Variants in DNM3 observed in about 807,000 individuals in gnomAD.
The protein encoded by DNM3 is dynamin-3.
A neutral mutation model predicts 101.6 loss-of-function variants in DNM3; 47 were observed. The observed-to-expected ratio is 0.46, with a 90% confidence interval of 0.37 to 0.59. The LOEUF (loss-of-function observed/expected upper bound fraction) is 0.59. Among genes scored for constraint, DNM3 ranks in the 20% least tolerant of loss-of-function variants. The pLI, the probability that DNM3 is intolerant of heterozygous loss-of-function variation, is 0.00. For synonymous variants in DNM3, 385 were observed against 387.9 expected, an observed-to-expected ratio of 0.99 and a Z score of 0.09; for missense variants, 849 against 1,085.7, an observed-to-expected ratio of 0.78 and a Z score of 3.06.
At chr1:172,251,811 T>G (rs143757632) in intron 14 of DNM3, among the ~76,000 whole-genome samples, 5 of 152,224 alleles carry the variant, frequency 3.3e-5, no homozygotes, top group African/African-American at 1.2e-4. Flanking sequence ...TGCTTAAATT[T>G]AGGGCACTGA....
chr1:172,181,140 G>C (rs553030932), intron 14 of DNM3, among the ~76,000 whole-genome samples: 78 of 152,064 alleles, frequency 5.1e-4, no homozygotes, highest in African/African-American at 1.7e-3. Flanking sequence ...AGCATAAGAG[G>C]CTTTGCAAAA....
chr1:172,262,769 G>A (rs1048589357), intron 15 of DNM3, among the ~76,000 whole-genome samples: 3 of 152,136 alleles, frequency 2.0e-5, no homozygotes, highest in African/African-American at 7.2e-5. Context: ...ATTTGAACAG[G>A]CCATGATATA....
intron 1 of DNM3, among the ~76,000 whole-genome samples, chr1:171,905,222 C>T (rs2038720644): frequency 6.6e-6 from 1 of 152,138 alleles, no homozygotes; most frequent in South Asian, 2.1e-4. Context: ...CTTTAATACC[C>T]CTGTGGTCTT....
At chr1:172,005,628 A>G (rs1432213673) in intron 4 of DNM3, among the ~76,000 whole-genome samples, 1 of 152,074 alleles carries the variant, frequency 6.6e-6, no homozygotes, top group Admixed American at 6.6e-5. Context: ...TACCTACACA[A>G]TTGTGTGTGT....
intron 14 of DNM3, among the ~76,000 whole-genome samples, chr1:172,173,153 A>C (rs1194719924): frequency 6.6e-6 from 1 of 151,764 alleles, no homozygotes. Flanking sequence ...AAGTGACTGC[A>C]ATGTGTGAAA....
At chr1:172,079,471 G>A (rs1226934423) in intron 11 of DNM3, among the ~76,000 whole-genome samples, 1 of 151,840 alleles carries the variant, frequency 6.6e-6, no homozygotes, top group Non-Finnish European at 1.5e-5. Context: ...AGCTCCATCA[G>A]GTCATTTATA....
chr1:172,051,317 TC>T (rs1207122031), intron 10 of DNM3, among the ~76,000 whole-genome samples: 1 of 152,152 alleles, frequency 6.6e-6, no homozygotes, highest in Non-Finnish European at 1.5e-5. Context: ...ACCACCAAGT[TC>T]CAGGTCACTC....
chr1:172,259,411 T>C (rs2148707225), intron 15 of DNM3, among the ~76,000 whole-genome samples: 1 of 152,230 alleles, frequency 6.6e-6, no homozygotes, highest in Middle Eastern at 3.4e-3. Flanking sequence ...TTGCTTTATA[T>C]ATCTGGGTGC....
At chr1:172,277,969 G>A (rs1326624077) in intron 15 of DNM3, among the ~76,000 whole-genome samples, 4 of 152,020 alleles carry the variant, frequency 2.6e-5, no homozygotes, top group Non-Finnish European at 5.9e-5. Context: ...TAAAAAATTA[G>A]TCTGTTCCTA....
chr1:172,124,094 T>C (rs1175456383), intron 13 of DNM3, among the ~76,000 whole-genome samples: 4 of 152,230 alleles, frequency 2.6e-5, no homozygotes, highest in Non-Finnish European at 5.9e-5. Flanking sequence ...ATGCTGTTTC[T>C]ATAGCTTATC....
intron 16 of DNM3, among the ~76,000 whole-genome samples, chr1:172,316,916 C>A (rs1252617304): frequency 6.6e-6 from 1 of 152,168 alleles, no homozygotes; most frequent in Admixed American, 6.5e-5. Flanking sequence ...AACTCTCCAC[C>A]CCAAATCAAT....
intron 6 of DNM3, among the ~76,000 whole-genome samples, chr1:172,036,273 G>A (rs2048956838): frequency 6.7e-6 from 1 of 148,470 alleles, no homozygotes; most frequent in South Asian, 2.1e-4. Flanking sequence ...TTTTGTTCTT[G>A]CGATAGTTTA....
At chr1:172,341,349 C>A (rs180749044) in intron 17 of DNM3, among the ~76,000 whole-genome samples, 2 of 152,124 alleles carry the variant, frequency 1.3e-5, no homozygotes, top group African/African-American at 4.8e-5. Flanking sequence ...TCCTATTAAA[C>A]TACCAGTAGT....
chr1:171,916,386 T>G lies in DNM3; in HGVS notation c.162-5362T>G, dbSNP rs141249873. ...CATGGTAAGCACTATATTAATCAGA[T>G]CTTCCTTTATTTCCTGTCCTGGTTA... On this transcript the variant is annotated intron_variant, in intron 1 of 20. Coordinates refer to ENST00000627582, the MANE Select transcript of DNM3 (RefSeq NM_015569.5). Among the ~76,000 whole-genome samples the G allele has an allele frequency of 9.1e-4, 138 of 152,322 alleles. 1 individual carries two copies. The highest frequency in any genetic ancestry group is 3.0e-3 in the African/African-American group (126 of 41,580).
At chr1:172,116,004 T>C (rs2055864179) in intron 13 of DNM3, among the ~76,000 whole-genome samples, 2 of 152,204 alleles carry the variant, frequency 1.3e-5, no homozygotes, top group Non-Finnish European at 2.9e-5. Context: ...AAGTATTCAA[T>C]AACCATCTAT....
intron 1 of DNM3, among the ~76,000 whole-genome samples, chr1:171,895,333 C>A (rs903587690): frequency 3.5e-4 from 54 of 152,218 alleles, no homozygotes; most frequent in African/African-American, 1.2e-3. Flanking sequence ...GCCATTCTAA[C>A]TGGTGTGAGA....
chr1:171,994,637 A>G (rs2045870351), intron 4 of DNM3, among the ~76,000 whole-genome samples: 4 of 151,992 alleles, frequency 2.6e-5, no homozygotes, highest in Admixed American at 1.3e-4. Context: ...GTACATATAT[A>G]CAAAATTTTC....
At chr1:172,326,537 T>G (rs1320115182) in intron 17 of DNM3, among the ~76,000 whole-genome samples, 1 of 152,096 alleles carries the variant, frequency 6.6e-6, no homozygotes, top group Non-Finnish European at 1.5e-5. Context: ...ATGGAGGCCT[T>G]AGGTAAAAAA....
Position 172,033,214 on chromosome 1 carries a change from A to G in DNM3, c.798A>G (p.Arg266=). ...RKFFLSHPAY[R]HIADRMGTPH... ...TTTTCCTTTCCCACCCGGCTTACAGACATATCGCTGACCGAATGGGAACCC... is the reference window on the plus strand; with the variant it reads ...TTTTCCTTTCCCACCCGGCTTACAGGCATATCGCTGACCGAATGGGAACCC... The change falls in exon 6 of 21, where the codon AGA becomes AGG. Residue 266 remains arginine, a synonymous_variant. Coordinates refer to ENST00000627582, the MANE Select transcript of DNM3 (RefSeq NM_015569.5). 1 of 1,608,080 alleles carries G rather than the reference A, an allele frequency of 6.2e-7. No homozygotes were observed. Among genetic ancestry groups the G allele is most frequent in the Non-Finnish European group, 8.5e-7 (1 of 1,177,190 alleles).
Sources: gnomAD v4.1 joint callset for allele counts (sites outside exome capture counted in the v4.1 genomes callset) on GRCh38, gnomAD v4.1.1 for gene constraint, MANE v1.5 for transcripts, NCBI Gene and HGNC (gene_info 2026-07-23, HGNC 2026-07-21) for gene names.